CCNK: variants seen among roughly 807,000 people sequenced by gnomAD.
The protein encoded by CCNK is cyclin K.
Under a neutral mutation model 65.0 loss-of-function variants are expected in CCNK, and 9 were observed. The ratio of observed to expected loss-of-function variants is 0.14; its 90% CI spans 0.08 to 0.24. The LOEUF (loss-of-function observed/expected upper bound fraction) is 0.24. Among genes scored for constraint, CCNK ranks in the 10% least tolerant of loss-of-function variants. CCNK has a pLI of 1.00. For missense variants in CCNK, 474 were observed against 720.0 expected (o/e 0.66, Z 3.91); for synonymous variants, 279 against 270.8 (o/e 1.03, Z -0.30).
chr14:99,496,709 C>CA lies in CCNK; in HGVS notation c.411+1089dup, dbSNP rs922555019. ...TGGGCGACGGAGCAAAACTCCATCT[C>CA]AAAAAAAAATAAATAAACTAATATT... On this transcript the variant is annotated intron_variant, in intron 4 of 10. Transcript: ENST00000389879. 3.8e-4 allele frequency among the ~76,000 whole-genome samples: 55 copies of CA among 145,212 alleles called. 1 individual carries two copies. The South Asian group carries it at 4.0e-3, about 10-fold the overall frequency.
At chr14:99,490,621 T>C (rs1392420679) in intron 1 of CCNK, among the ~76,000 whole-genome samples, 1 of 152,174 alleles carries the variant, frequency 6.6e-6, no homozygotes, top group Non-Finnish European at 1.5e-5. Context: ...ATTTTTTGAA[T>C]TACTTTAAAA....
At chr14:99,503,183 A>T in intron 8 of CCNK, 199 bp downstream of exon 8, 2 of 721,462 alleles carry the variant, frequency 2.8e-6, no homozygotes, top group Admixed American at 4.0e-5. Flanking sequence ...GAGAACCAGG[A>T]GGGGGCTCTC....
intron 1 of CCNK, among the ~76,000 whole-genome samples, chr14:99,487,681 TG>T: frequency 6.6e-6 from 1 of 152,336 alleles, no homozygotes; most frequent in East Asian, 1.9e-4. Context: ...TAGTTATCTT[TG>T]GGAGGATAGT....
At chr14:99,496,970 A>G (rs976370016) in intron 4 of CCNK, among the ~76,000 whole-genome samples, 2 of 151,360 alleles carry the variant, frequency 1.3e-5, no homozygotes, top group Non-Finnish European at 2.9e-5. Flanking sequence ...CACAGCAAAA[A>G]TGAGTGGAAA....
At chr14:99,509,895 G>A (rs2139886167) in intron 10 of CCNK, 9 of 540,686 alleles carry the variant, frequency 1.7e-5, no homozygotes, top group Middle Eastern at 4.9e-4. Context: ...GTGCTGCCGA[G>A]ACTGCCTGTA....
At position 99,502,498 on chromosome 14, in the gene CCNK, C is replaced by T. The variant is rs901826282; in HGVS notation, c.745+122C>T. 7 of 1,407,344 alleles carry T rather than the reference C, an allele frequency of 5.0e-6. No individual in the cohort carries two copies. In the African/African-American group the frequency reaches 8.7e-5, roughly 18 times the overall value. The allele number at this position is 1,407,344 out of a possible 1,614,324, so 87.2% of individuals were successfully genotyped here. ...ACATATGTGAGCAATATTTCAGAAG[C>T]ATCATTAATTAAATTATCTAATAGT... On this transcript the variant is annotated intron_variant, in intron 7 of 10. Coordinates refer to ENST00000389879, the MANE Select transcript of CCNK (RefSeq NM_001099402.2).
chr14:99,491,711 G>GTTAGGT (rs1896602049), intron 1 of CCNK, among the ~76,000 whole-genome samples: 1 of 152,190 alleles, frequency 6.6e-6, no homozygotes, highest in Admixed American at 6.5e-5. Flanking sequence ...CACAGAAAAG[G>GTTAGGT]TTAGGTTTCC....
intron 1 of CCNK, chr14:99,492,260 G>C (rs1297829791): frequency 6.3e-6 from 1 of 158,716 alleles, no homozygotes; most frequent in Non-Finnish European, 1.4e-5. Flanking sequence ...TTTTGCTGAA[G>C]AATGGAATCT....
At chr14:99,495,665 G>T in intron 4 of CCNK, 36 bp downstream of exon 4, 2 of 1,581,228 alleles carry the variant, frequency 1.3e-6, no homozygotes, top group South Asian at 1.2e-5. Context: ...TTCTGGTCTT[G>T]ATTCCTTATG....
At position 99,486,791 on chromosome 14, in the gene CCNK, C is replaced by G. The variant is rs116079217; in HGVS notation, c.-53+5312C>G. Among the ~76,000 whole-genome samples the G allele has an allele frequency of 7.2e-3, 1,100 of 152,302 alleles. 9 individuals are homozygous for G. Among genetic ancestry groups the G allele is most frequent in the African/African-American group, 0.024 (1,018 of 41,568 alleles). On this transcript the variant is annotated intron_variant, in intron 1 of 10. Transcript: ENST00000389879. Reference sequence around the variant, plus strand: ...ACAGGTGTATTAGGCATTACTTGAACTGCTACTATAATCTCCTAACTCTTC... The same window carrying G: ...ACAGGTGTATTAGGCATTACTTGAAGTGCTACTATAATCTCCTAACTCTTC...
chr14:99,510,806 T>G lies in CCNK; in HGVS notation c.*24T>G. On this transcript the variant is annotated 3_prime_UTR_variant, in exon 11 of 11. Coordinates refer to ENST00000389879, the MANE Select transcript of CCNK (RefSeq NM_001099402.2). Reference sequence around the variant, plus strand: ...AACGTGAGCCTTTTTTCCCTCTTTGTTTTTTTAACAAGATTTTCTAATCGA... The same window carrying G: ...AACGTGAGCCTTTTTTCCCTCTTTGGTTTTTTAACAAGATTTTCTAATCGA... The G allele has an allele frequency of 7.1e-7, 1 of 1,408,290 alleles. No homozygotes were observed. Among genetic ancestry groups the G allele is most frequent in the Non-Finnish European group, 9.3e-7 (1 of 1,080,332 alleles). 87.2% of individuals were successfully genotyped at this position (1,408,290 alleles called of 1,614,324 possible).
In CCNK at chr14:99,487,464, A is replaced by G. The variant is rs145103156; in HGVS notation, c.-52-5162A>G. Reference sequence around the variant, plus strand: ...CAGAAGTGTCTTCAGACATTGCCAAATGTCCCCTGGGGGGCAAAATTGTCC... The same window carrying G: ...CAGAAGTGTCTTCAGACATTGCCAAGTGTCCCCTGGGGGGCAAAATTGTCC... On this transcript the variant is annotated intron_variant, in intron 1 of 10. Coordinates refer to ENST00000389879, the MANE Select transcript of CCNK (RefSeq NM_001099402.2). Among the ~76,000 whole-genome samples, 833 of 152,288 alleles carry G rather than the reference A, an allele frequency of 5.5e-3. 9 individuals are homozygous for G. The highest frequency in any genetic ancestry group is 0.019 in the African/African-American group (797 of 41,560).
In CCNK at chr14:99,510,554, C is replaced by T; in HGVS notation, c.1515C>T (p.Gly505=). ...CTGCCATCCCACCCCCTACTCCTGG[C>T]TACCCCCCACCCCCACCCACCTACA... The part of the protein sequence containing the change: ...PPPAIPPPTP[G]YPPPPPTYNP... Residue 505 remains glycine, a synonymous_variant, in exon 11 of 11, where the codon GGC becomes GGT. Transcript: ENST00000389879. 2.4e-6 allele frequency: 1 copy of T among 420,772 alleles called. No individual in the cohort carries two copies. The highest frequency in any genetic ancestry group is 5.2e-5 in the East Asian group (1 of 19,326). 26.1% of individuals were successfully genotyped at this position (420,772 alleles called of 1,614,324 possible). A position where few individuals can be genotyped will look rare whatever the true frequency, so the allele number is the denominator to read the frequency against.
In CCNK at chr14:99,510,910, C is replaced by G. The variant is rs1017504356; in HGVS notation, c.*128C>G. 9 of 827,338 alleles carry G rather than the reference C, an allele frequency of 1.1e-5. No homozygotes were observed. The highest frequency in any genetic ancestry group is 1.3e-5 in the Non-Finnish European group (8 of 604,864). 51.2% of individuals were successfully genotyped at this position (827,338 alleles called of 1,614,324 possible). A position where few individuals can be genotyped will look rare whatever the true frequency, so the allele number is the denominator to read the frequency against. ...CAGTTGCAGTATGGGAAGAATGGACCGGGCCCCTGGGATAAAATCAGAGTG... is the reference window on the plus strand; with the variant it reads ...CAGTTGCAGTATGGGAAGAATGGACGGGGCCCCTGGGATAAAATCAGAGTG... On this transcript the variant is annotated 3_prime_UTR_variant, in exon 11 of 11. Coordinates refer to ENST00000389879, the MANE Select transcript of CCNK (RefSeq NM_001099402.2).
intron 1 of CCNK, among the ~76,000 whole-genome samples, chr14:99,489,019 G>A (rs574214499): frequency 6.6e-6 from 1 of 151,960 alleles, no homozygotes; most frequent in Non-Finnish European, 1.5e-5. Flanking sequence ...CCCCAGACTG[G>A]AAAGAAACCT....
chr14:99,496,644 A>T (rs1265219977), intron 4 of CCNK, among the ~76,000 whole-genome samples: 2 of 152,000 alleles, frequency 1.3e-5, no homozygotes, highest in Non-Finnish European at 2.9e-5. Flanking sequence ...CGGGAGGCGG[A>T]GCTTGCAGTG....
intron 9 of CCNK, chr14:99,504,893 G>C (rs1197403376): frequency 2.0e-5 from 3 of 152,308 alleles, no homozygotes; most frequent in Non-Finnish European, 4.4e-5. Context: ...ATATGACCTT[G>C]AAGGAAGAGT....
At position 99,510,332 on chromosome 14, in the gene CCNK, G is replaced by A. The variant is rs113616201; in HGVS notation, c.1293G>A (p.Gly431=). The change falls in exon 11 of 11, where the codon GGG becomes GGA. Residue 431 remains glycine (G), a synonymous_variant. Coordinates refer to ENST00000389879, the MANE Select transcript of CCNK (RefSeq NM_001099402.2). ...PPPPPSSYMT[G]MSTTSSYMSG... Reference sequence around the variant, plus strand: ...CACCCCCCTCCAGCTACATGACCGGGATGTCCACCACCAGCTCCTACATGT... The same window carrying A: ...CACCCCCCTCCAGCTACATGACCGGAATGTCCACCACCAGCTCCTACATGT... 1.3e-4 allele frequency: 195 copies of A among 1,522,882 alleles called. No individual in the cohort carries two copies. Among genetic ancestry groups the A allele is most frequent in the Non-Finnish European group, 1.7e-4 (187 of 1,113,368 alleles). The allele number at this position is 1,522,882 out of a possible 1,614,324, so 94.3% of individuals were successfully genotyped here. A position where few individuals can be genotyped will look rare whatever the true frequency, so the allele number is the denominator to read the frequency against.
chr14:99,503,541 T>C, intron 8 of CCNK, 70 bp from the exon 9 acceptor site: 1 of 1,365,236 alleles, frequency 7.3e-7, no homozygotes, highest in South Asian at 1.3e-5. Flanking sequence ...TGGTGGTACC[T>C]GGATAATCCA....
Sources: gnomAD v4.1 joint callset for allele counts (sites outside exome capture counted in the v4.1 genomes callset) on GRCh38, gnomAD v4.1.1 for gene constraint, MANE v1.5 for transcripts, NCBI Gene and HGNC (gene_info 2026-07-23, HGNC 2026-07-21) for gene names.